VWC2: variants seen among roughly 807,000 people sequenced by gnomAD.
The protein encoded by VWC2 is brorin.
In VWC2, 14 loss-of-function variants were observed where a neutral mutation model predicts 29.8. The ratio of observed to expected loss-of-function variants is 0.47; its 90% CI spans 0.31 to 0.74. The LOEUF (loss-of-function observed/expected upper bound fraction) is 0.74. Ranked by LOEUF, VWC2 falls within the 30% of genes least tolerant of loss-of-function variation. The pLI, the probability that VWC2 is intolerant of heterozygous loss-of-function variation, is 0.05. For missense variants in VWC2, 457 were observed against 459.8 expected, an observed-to-expected ratio of 0.99 and a Z score of 0.05; for synonymous variants, 213 against 199.0, an observed-to-expected ratio of 1.07 and a Z score of -0.59.
rs771394178 is a variant in VWC2 at position 49,776,065 on chromosome 7, G to A, written c.630G>A (p.Gln210=). 5 of 1,554,878 alleles carry A rather than the reference G, an allele frequency of 3.2e-6. No homozygotes were observed. Among genetic ancestry groups the A allele is most frequent in the Admixed American group, 1.9e-5 (1 of 53,514 alleles). ...IHVDTSQCCP[Q]CKERKNYCEF... ...TCGACACGAGCCAGTGCTGCCCGCAGTGCAAGGAGAGGAAGAACTACTGCG... is the reference window on the plus strand; with the variant it reads ...TCGACACGAGCCAGTGCTGCCCGCAATGCAAGGAGAGGAAGAACTACTGCG... The change falls in exon 2 of 4, where the codon CAG becomes CAA. Residue 210 remains glutamine (Q), a synonymous_variant. Transcript: ENST00000340652.
intron 3 of VWC2, among the ~76,000 whole-genome samples, chr7:49,834,717 T>A (rs1789616996): frequency 6.6e-6 from 1 of 152,142 alleles, no homozygotes. Flanking sequence ...AAGAAGCAAA[T>A]CCCAGAGTAA....
At chr7:49,906,399 G>A (rs1038123724) in intron 3 of VWC2, among the ~76,000 whole-genome samples, 2 of 151,918 alleles carry the variant, frequency 1.3e-5, no homozygotes, top group African/African-American at 4.8e-5. Context: ...CAGTGGCGGC[G>A]ACCTCAGCTC....
intron 3 of VWC2, among the ~76,000 whole-genome samples, chr7:49,811,728 C>T (rs941833599): frequency 2.6e-5 from 4 of 152,120 alleles, no homozygotes; most frequent in African/African-American, 4.8e-5. Context: ...TCAAGTGGTG[C>T]GCCTACTTTG....
intron 2 of VWC2, among the ~76,000 whole-genome samples, chr7:49,777,521 C>G (rs886113046): frequency 2.0e-5 from 3 of 152,198 alleles, no homozygotes; most frequent in African/African-American, 7.2e-5. Flanking sequence ...GGTTTCTTTT[C>G]TCTTATCTGT....
intron 3 of VWC2, among the ~76,000 whole-genome samples, chr7:49,909,382 T>C (rs897084013): frequency 6.6e-6 from 1 of 152,098 alleles, no homozygotes; most frequent in Admixed American, 6.5e-5. Flanking sequence ...ATTAGGGAAA[T>C]TTTAAACATA....
intron 3 of VWC2, among the ~76,000 whole-genome samples, chr7:49,891,723 C>T (rs1792137268): frequency 6.6e-6 from 1 of 152,212 alleles, no homozygotes; most frequent in African/African-American, 2.4e-5. Flanking sequence ...TCTGCTACAG[C>T]TGAAAGTACA....
At position 49,911,232 on chromosome 7, in the gene VWC2, C is replaced by T. The variant is rs559850876; in HGVS notation, c.827-802C>T. On this transcript the variant is annotated intron_variant, in intron 3 of 3. Coordinates refer to ENST00000340652, the MANE Select transcript of VWC2 (RefSeq NM_198570.5). ...GGAGCGGTGGCTTACACCTGTAATC[C>T]CAGCACTTTGGGAGGCCAAGGCGGG... Among the ~76,000 whole-genome samples the T allele has an allele frequency of 1.2e-4, 18 of 152,022 alleles. No individual in the cohort carries two copies. In the East Asian group the frequency reaches 3.5e-3, roughly 29 times the overall value.
intron 3 of VWC2, among the ~76,000 whole-genome samples, chr7:49,859,250 T>A (rs2128719537): frequency 6.6e-6 from 1 of 152,188 alleles, no homozygotes; most frequent in South Asian, 2.1e-4. Flanking sequence ...ATTTGGGGGG[T>A]TCTTCTTTTC....
At chr7:49,832,550 TTAAA>T (rs1158677703) in intron 3 of VWC2, among the ~76,000 whole-genome samples, 1 of 152,100 alleles carries the variant, frequency 6.6e-6, no homozygotes, top group Non-Finnish European at 1.5e-5. Context: ...CCTTACAGGG[TTAAA>T]ACAGAGGGAA....
chr7:49,827,922 C>T (rs1789440961), intron 3 of VWC2, among the ~76,000 whole-genome samples: 1 of 152,164 alleles, frequency 6.6e-6, no homozygotes, highest in Non-Finnish European at 1.5e-5. Flanking sequence ...GGTTTACATA[C>T]AATAAAATGC....
chr7:49,884,658 C>T (rs1583751936), intron 3 of VWC2, among the ~76,000 whole-genome samples: 1 of 152,138 alleles, frequency 6.6e-6, no homozygotes. Flanking sequence ...GAGCTGGTTT[C>T]CTCAGGAGAG....
chr7:49,791,473 C>T (rs1788461545), intron 2 of VWC2, among the ~76,000 whole-genome samples: 1 of 152,198 alleles, frequency 6.6e-6, no homozygotes, highest in Admixed American at 6.5e-5. Flanking sequence ...TAGAACATTG[C>T]TTTTCCTTCC....
chr7:49,799,869 G>A (rs10279413), intron 2 of VWC2, among the ~76,000 whole-genome samples: 51,890 of 152,068 alleles, frequency 0.34, 11,103 homozygotes, highest in Non-Finnish European at 0.47. Context: ...TGCACAGCAC[G>A]TTACTGTCCT....
At chr7:49,814,854 A>T (rs1238137570) in intron 3 of VWC2, among the ~76,000 whole-genome samples, 1 of 152,088 alleles carries the variant, frequency 6.6e-6, no homozygotes, top group Non-Finnish European at 1.5e-5. Context: ...ACTCTCACTG[A>T]GTCTGTATAA....
chr7:49,838,643 C>T (rs1789721798), intron 3 of VWC2, among the ~76,000 whole-genome samples: 1 of 152,028 alleles, frequency 6.6e-6, no homozygotes, highest in Admixed American at 6.6e-5. Context: ...TGGCTCCGTA[C>T]AAGCAGTGTT....
chr7:49,819,206 T>C (rs971271104), intron 3 of VWC2, among the ~76,000 whole-genome samples: 2 of 152,224 alleles, frequency 1.3e-5, no homozygotes, highest in African/African-American at 2.4e-5. Flanking sequence ...GCTCTGTTGC[T>C]TACTCCATCC....
intron 3 of VWC2, among the ~76,000 whole-genome samples, chr7:49,823,074 G>A (rs1789301352): frequency 6.6e-6 from 1 of 152,202 alleles, no homozygotes; most frequent in Admixed American, 6.5e-5. Flanking sequence ...GTAAGAAACT[G>A]TCAAACAGTT....
chr7:49,854,348 A>G (rs1215450795), intron 3 of VWC2, among the ~76,000 whole-genome samples: 1 of 152,128 alleles, frequency 6.6e-6, no homozygotes, highest in Non-Finnish European at 1.5e-5. Context: ...ACGTGTTCCT[A>G]TTTCCCCACA....
At chr7:49,863,611 G>A (rs1790757443) in intron 3 of VWC2, among the ~76,000 whole-genome samples, 1 of 151,954 alleles carries the variant, frequency 6.6e-6, no homozygotes, top group African/African-American at 2.4e-5. Flanking sequence ...TTTGTATTTT[G>A]TGTAGAGAAG....
Sources: gnomAD v4.1 joint callset for allele counts (sites outside exome capture counted in the v4.1 genomes callset) on GRCh38, gnomAD v4.1.1 for gene constraint, MANE v1.5 for transcripts, NCBI Gene and HGNC (gene_info 2026-07-23, HGNC 2026-07-21) for gene names.